The following GCAT variants were observed in gnomAD, a reference collection of about 807,000 sequenced individuals.
GCAT encodes glycine C-acetyltransferase, also known as 2-amino-3-ketobutyrate coenzyme A ligase, mitochondrial.
A neutral mutation model predicts 39.7 loss-of-function variants in GCAT; 26 were observed. That is an observed-to-expected ratio of 0.65 (90% confidence interval 0.48 to 0.91). GCAT has a LOEUF of 0.91. Ranked by LOEUF, GCAT falls within the 40% of genes least tolerant of loss-of-function variation. GCAT has a pLI of 0.00. For synonymous variants in GCAT, 218 were observed against 237.2 expected (o/e 0.92, Z 0.74); for missense variants, 550 against 576.2 (o/e 0.95, Z 0.47).
intron 4 of GCAT, 129 bp downstream of exon 4, chr22:37,813,738 C>A: frequency 3.7e-6 from 3 of 816,790 alleles, no homozygotes; most frequent in Non-Finnish European, 5.6e-6. Flanking sequence ...AAGATGTGAA[C>A]CCAGATCCCT....
chr22:37,814,325 G>A (rs1291304611), intron 4 of GCAT, among the ~76,000 whole-genome samples: 5 of 152,050 alleles, frequency 3.3e-5, no homozygotes, highest in Non-Finnish European at 5.9e-5. Flanking sequence ...GTGCAATGGC[G>A]TGATCTCAGC....
chr22:37,815,200 C>G lies in GCAT; in HGVS notation c.651C>G (p.Ile217Met). The G allele has an allele frequency of 6.2e-7, 1 of 1,614,106 alleles. No homozygotes were observed. Among genetic ancestry groups the G allele is most frequent in the Non-Finnish European group, 8.5e-7 (1 of 1,179,988 alleles). ...MDGDIAPLQEICCLASRYGAL... is the reference protein window; with the variant it reads ...MDGDIAPLQEMCCLASRYGAL... ...GCGACATCGCACCCCTGCAGGAGAT[C>G]TGCTGCCTCGCCTCTAGATATGGTG... The change falls in exon 5 of 9, where the codon ATC becomes ATG. Residue 217 changes from isoleucine to methionine, a missense_variant. Coordinates refer to ENST00000248924, the MANE Select transcript of GCAT (RefSeq NM_014291.4).
intron 3 of GCAT, 153 bp from the exon 4 acceptor site, chr22:37,813,310 C>T (rs1293508142): frequency 1.2e-5 from 10 of 844,000 alleles, no homozygotes; most frequent in Non-Finnish European, 2.0e-5. Context: ...CACTGAGACA[C>T]GGGGGCCCCA....
At chr22:37,817,154 G>A (rs139654990), downstream of GCAT, 6,667 of 168,290 alleles carry the variant, frequency 0.04, 485 homozygotes, top group African/African-American at 0.15. Context: ...GAGAAACCCC[G>A]TCTCTACTAA....
At chr22:37,811,018 T>A (rs1477180676) in intron 2 of GCAT, among the ~76,000 whole-genome samples, 3 of 152,204 alleles carry the variant, frequency 2.0e-5, no homozygotes, top group African/African-American at 7.2e-5. Flanking sequence ...GAACTGAGAC[T>A]AAGGGCTCTG....
intron 1 of GCAT, among the ~76,000 whole-genome samples, chr22:37,808,912 C>A (rs1290315774): frequency 6.6e-6 from 1 of 152,208 alleles, no homozygotes; most frequent in Non-Finnish European, 1.5e-5. Context: ...GTCTCGAACT[C>A]CTGACCTCAA....
Position 37,807,967 on chromosome 22 carries a change from G to A in GCAT, c.-1G>A, listed in dbSNP as rs1000725558. ...AGGCGCGCTCGGGCGAGGTAGGAGC[G>A]ATGTGGCCTGGGAACGCCTGGCGCG... On this transcript the variant is annotated 5_prime_UTR_variant, in exon 1 of 9. Coordinates refer to ENST00000248924, the MANE Select transcript of GCAT (RefSeq NM_014291.4). 1.3e-6 allele frequency: 2 copies of A among 1,525,274 alleles called. No homozygotes were observed. Among genetic ancestry groups the A allele is most frequent in the African/African-American group, 1.4e-5 (1 of 70,508 alleles). The allele number at this position is 1,525,274 out of a possible 1,614,324, so 94.5% of individuals were successfully genotyped here. A position where few individuals can be genotyped will look rare whatever the true frequency, so the allele number is the denominator to read the frequency against.
At position 37,810,174 on chromosome 22, in the gene GCAT, G is replaced by T. The variant is rs769788156; in HGVS notation, c.327+17G>T. 3.8e-6 allele frequency: 6 copies of T among 1,560,402 alleles called. No individual in the cohort carries two copies. Among genetic ancestry groups the T allele is most frequent in the Admixed American group, 1.7e-5 (1 of 59,930 alleles). On this transcript the variant is annotated intron_variant, in intron 2 of 8. Coordinates refer to ENST00000248924, the MANE Select transcript of GCAT (RefSeq NM_014291.4). Reference sequence around the variant, plus strand: ...GGAACCCAGGTACACAGTGAGTGGTGGGGGGTTGTGGGGACTGACCCCAGC... The same window carrying T: ...GGAACCCAGGTACACAGTGAGTGGTTGGGGGTTGTGGGGACTGACCCCAGC...
At position 37,815,796 on chromosome 22, in the gene GCAT, T is replaced by A. The variant is rs547083918; in HGVS notation, c.948T>A (p.Ser316Arg). ...AGGCCCTAGATCTGCTGATGGGGAG[T>A]AACACCATTGTCCAGTCTATGGCTG... ...ASKALDLLMG[S>R]NTIVQSMAAK... The change falls in exon 7 of 9, where the codon AGT (serine) becomes AGA (arginine). Residue 316 changes from serine to arginine, a missense_variant. Physicochemically the swap from Ser to Arg is moderately radical, Grantham distance 110. This residue lies in a region of GCAT where 378 missense variants were observed against 390.4 expected (regional missense o/e 0.97). Transcript: ENST00000248924. 1 of 1,613,832 alleles carries A rather than the reference T, an allele frequency of 6.2e-7. No homozygotes were observed. The highest frequency in any genetic ancestry group is 8.5e-7 in the Non-Finnish European group (1 of 1,179,940).
chr22:37,812,921 G>A lies in GCAT; in HGVS notation c.362G>A (p.Arg121His), dbSNP rs761634455. 8.7e-6 allele frequency: 14 copies of A among 1,613,418 alleles called. No individual in the cohort carries two copies. The highest frequency in any genetic ancestry group is 6.7e-5 in the African/African-American group (5 of 74,904). The change falls in exon 3 of 9, where the codon CGC becomes CAC. Residue 121 changes from arginine (R) to histidine (H), a missense_variant. Transcript: ENST00000248924. Reference protein sequence around the residue: ...IHKNLEAKIARFHQREDAILY... With the variant: ...IHKNLEAKIAHFHQREDAILY... ...AAGAATCTAGAAGCAAAAATAGCCCGCTTCCACCAGCGGGAGGATGCCATC... is the reference window on the plus strand; with the variant it reads ...AAGAATCTAGAAGCAAAAATAGCCCACTTCCACCAGCGGGAGGATGCCATC...
intron 6 of GCAT, 37 bp from the exon 7 acceptor site, chr22:37,815,626 G>T: frequency 1.3e-6 from 2 of 1,538,282 alleles, no homozygotes; most frequent in South Asian, 2.3e-5. Flanking sequence ...TCTGGCCCCT[G>T]ACCAACCCCT....
intron 2 of GCAT, among the ~76,000 whole-genome samples, chr22:37,811,310 C>G (rs1921559946): frequency 6.6e-6 from 1 of 151,786 alleles, no homozygotes; most frequent in Admixed American, 6.6e-5. Flanking sequence ...TGGCGAAACC[C>G]TTTCTCTACA....
chr22:37,815,465 A>C lies in GCAT; in HGVS notation c.779A>C (p.Asn260Thr), dbSNP rs373717609. ...LGVMDQVTII[N>T]STLGKALGGA... ...GTGATGGACCAGGTCACCATCATCAACTCCACCCTGGGGAAGGCCCTGGGT... is the reference window on the plus strand; with the variant it reads ...GTGATGGACCAGGTCACCATCATCACCTCCACCCTGGGGAAGGCCCTGGGT... Residue 260 changes from asparagine to threonine, a missense_variant, in exon 6 of 9, where the codon AAC (asparagine) becomes ACC (threonine). By Grantham distance (65) the Asn-to-Thr change is moderately conservative (BLOSUM62 0). Around this residue, in one of 3 missense-constraint regions of GCAT, gnomAD observed 378 missense variants for 390.4 expected, o/e 0.97. Coordinates refer to ENST00000248924, the MANE Select transcript of GCAT (RefSeq NM_014291.4). The C allele has an allele frequency of 1.4e-4, 225 of 1,609,814 alleles. No homozygotes were observed. Among genetic ancestry groups the C allele is most frequent in the Non-Finnish European group, 1.9e-4 (221 of 1,178,808 alleles).
intron 1 of GCAT, among the ~76,000 whole-genome samples, chr22:37,808,437 A>G (rs922299312): frequency 1.3e-5 from 2 of 152,174 alleles, no homozygotes; most frequent in African/African-American, 4.8e-5. Flanking sequence ...ACTCCTGCTA[A>G]CTTCTAGACG....
chr22:37,816,386 ACT>A, intron 8 of GCAT, 65 bp downstream of exon 8: 1 of 1,582,092 alleles, frequency 6.3e-7, no homozygotes. Context: ...AAACCCCTAG[ACT>A]GTGACCCAGC....
Position 37,808,154 on chromosome 22 carries a change from G to A in GCAT, c.187G>A (p.Val63Ile), listed in dbSNP as rs1360685982. 2 of 1,501,568 alleles carry A rather than the reference G, an allele frequency of 1.3e-6. No individual in the cohort carries two copies. The highest frequency in any genetic ancestry group is 1.8e-6 in the Non-Finnish European group (2 of 1,124,882). The allele number at this position is 1,501,568 out of a possible 1,614,324, so 93.0% of individuals were successfully genotyped here. A position where few individuals can be genotyped will look rare whatever the true frequency, so the allele number is the denominator to read the frequency against. The change falls in exon 1 of 9, where the codon GTC becomes ATC. Residue 63 changes from valine to isoleucine, a missense_variant. This residue lies in a region of GCAT where 154 missense variants were observed against 141.9 expected (regional missense o/e 1.08). Transcript: ENST00000248924. The stretch of plus-strand genomic sequence containing the variant: ...GGGGCCGCACATCCGCGTGGACGGC[G>A]TCTCCGGAGGTAACGCTCCGTTCCG... ...RQGPHIRVDGVSGGILNFCAN... is the reference protein window; with the variant it reads ...RQGPHIRVDGISGGILNFCAN...
chr22:37,813,638 C>T, intron 4 of GCAT, 29 bp downstream of exon 4: 1 of 1,569,484 alleles, frequency 6.4e-7, no homozygotes, highest in Non-Finnish European at 8.6e-7. Context: ...CCACCCTCAG[C>T]CTCCGCCTGG....
chr22:37,808,767 A>T (rs1258137226), intron 1 of GCAT, among the ~76,000 whole-genome samples: 1 of 151,606 alleles, frequency 6.6e-6, no homozygotes, highest in Non-Finnish European at 1.5e-5. Context: ...GTTCACTGCA[A>T]CCTCTGCCTC....
intron 2 of GCAT, 44 bp downstream of exon 2, chr22:37,810,201 G>A: frequency 7.1e-7 from 1 of 1,400,568 alleles, no homozygotes; most frequent in Non-Finnish European, 1.0e-6. Context: ...GACCCCAGCT[G>A]CCTGCTTCCC....
Sources: allele counts gnomAD v4.1 joint callset (sites outside exome capture counted in the v4.1 genomes callset), GRCh38; gene constraint gnomAD v4.1.1; regional missense constraint gnomAD v4.1.1; transcripts MANE v1.5; gene names NCBI Gene and HGNC (gene_info 2026-07-23, HGNC 2026-07-21).